Variants in RPS6KA5 observed in about 807,000 individuals in gnomAD.
RPS6KA5 encodes ribosomal protein S6 kinase A5.
Under a neutral mutation model 85.5 loss-of-function variants are expected in RPS6KA5, and 27 were observed. That is an observed-to-expected ratio of 0.32 (90% CI 0.23 to 0.44). RPS6KA5 has a LOEUF of 0.44. RPS6KA5 is among the 20% of genes least tolerant of loss of function. The pLI is 1.00. For synonymous variants in RPS6KA5, 334 were observed against 348.2 expected, an observed-to-expected ratio of 0.96 and a Z score of 0.46; for missense variants, 811 against 980.9, an observed-to-expected ratio of 0.83 and a Z score of 2.31.
intron 11 of RPS6KA5, among the ~76,000 whole-genome samples, chr14:90,899,802 T>C (rs2035057356): frequency 6.6e-6 from 1 of 152,152 alleles, no homozygotes; most frequent in Non-Finnish European, 1.5e-5. Flanking sequence ...ACACAACTAG[T>C]AGAAATGGCA....
rs969952624 is a variant in RPS6KA5, at chr14:90,864,305, A to C, written c.*7769T>G. The C allele has an allele frequency of 5.9e-5, 9 of 152,256 alleles. No individual in the cohort carries two copies. The highest frequency in any genetic ancestry group is 2.2e-4 in the African/African-American group (9 of 41,404). The allele number at this position is 152,256 out of a possible 1,614,324, so 9.4% of individuals were successfully genotyped here. On this transcript the variant is annotated 3_prime_UTR_variant, in exon 17 of 17. Coordinates refer to ENST00000614987, the MANE Select transcript of RPS6KA5 (RefSeq NM_004755.4). ...CAGGCATGCACCACCATGCCTGGCTAATTTTTATACTTTTAGTAGAGATGG... is the reference window on the plus strand; with the variant it reads ...CAGGCATGCACCACCATGCCTGGCTCATTTTTATACTTTTAGTAGAGATGG...
At chr14:90,994,810 G>GT (rs2040451368) in intron 2 of RPS6KA5, among the ~76,000 whole-genome samples, 1 of 151,848 alleles carries the variant, frequency 6.6e-6, no homozygotes, top group Non-Finnish European at 1.5e-5. Flanking sequence ...CTGACCTCAT[G>GT]ATCCGCCTGC....
chr14:91,052,419 G>A, intron 1 of RPS6KA5: 1 of 349,630 alleles, frequency 2.9e-6, no homozygotes. Flanking sequence ...AGTGAGCCGA[G>A]ATCAGCACCA....
chr14:90,933,386 G>A, intron 5 of RPS6KA5, among the ~76,000 whole-genome samples: 1 of 152,092 alleles, frequency 6.6e-6, no homozygotes, highest in East Asian at 1.9e-4. Context: ...CATATTAGTT[G>A]ATGGAAATTT....
intron 2 of RPS6KA5, among the ~76,000 whole-genome samples, chr14:90,986,641 G>C (rs1168462155): frequency 6.6e-6 from 1 of 152,162 alleles, no homozygotes; most frequent in Non-Finnish European, 1.5e-5. Context: ...ACAGGCCGGT[G>C]CATCTATTCT....
chr14:90,985,045 A>T (rs978824580), intron 2 of RPS6KA5, among the ~76,000 whole-genome samples: 2 of 152,066 alleles, frequency 1.3e-5, no homozygotes, highest in East Asian at 3.9e-4. Context: ...GGTTCAAGCA[A>T]TTCTCCTACC....
rs1356576814 is a variant in RPS6KA5, at chr14:90,865,644, T to C, written c.*6430A>G. On this transcript the variant is annotated 3_prime_UTR_variant, in exon 17 of 17. Coordinates refer to ENST00000614987, the MANE Select transcript of RPS6KA5 (RefSeq NM_004755.4). ...TATGATCACTATCTATATGTAGTTT[T>C]AGTGCTCCATTTGGACTGGTCTCTG... 1 of 152,238 alleles carries C rather than the reference T, an allele frequency of 6.6e-6. No individual in the cohort carries two copies. Among genetic ancestry groups the C allele is most frequent in the Non-Finnish European group, 1.5e-5 (1 of 68,040 alleles). The allele number at this position is 152,238 out of a possible 1,614,324, so 9.4% of individuals were successfully genotyped here. A position where few individuals can be genotyped will look rare whatever the true frequency, so the allele number is the denominator to read the frequency against.
chr14:91,029,355 G>A (rs1438223925), intron 1 of RPS6KA5, among the ~76,000 whole-genome samples: 1 of 152,034 alleles, frequency 6.6e-6, no homozygotes, highest in Non-Finnish European at 1.5e-5. Flanking sequence ...AAAATTGACT[G>A]AAAATAATGG....
intron 5 of RPS6KA5, among the ~76,000 whole-genome samples, chr14:90,925,694 T>C (rs1484652630): frequency 6.6e-6 from 1 of 151,082 alleles, no homozygotes; most frequent in African/African-American, 2.4e-5. Context: ...AATCTGTAAA[T>C]GACCAGCATG....
At chr14:90,999,231 A>C (rs1049412222) in intron 2 of RPS6KA5, among the ~76,000 whole-genome samples, 1 of 152,074 alleles carries the variant, frequency 6.6e-6, no homozygotes, top group African/African-American at 2.4e-5. Context: ...AACAAAAAAC[A>C]AAAAAACAAA....
At chr14:91,028,533 T>C (rs912863541) in intron 1 of RPS6KA5, among the ~76,000 whole-genome samples, 7 of 150,192 alleles carry the variant, frequency 4.7e-5, no homozygotes, top group South Asian at 2.1e-4. Context: ...ATTTTTTTTT[T>C]TTTGAGACAA....
At chr14:90,907,010 T>A (rs542145618) in intron 7 of RPS6KA5, among the ~76,000 whole-genome samples, 1 of 152,304 alleles carries the variant, frequency 6.6e-6, no homozygotes, top group South Asian at 2.1e-4. Flanking sequence ...AAGATGGTAA[T>A]AAAGTTTCTT....
At chr14:90,988,806 C>G (rs1263756524) in intron 2 of RPS6KA5, among the ~76,000 whole-genome samples, 4 of 151,628 alleles carry the variant, frequency 2.6e-5, no homozygotes, top group African/African-American at 9.7e-5. Context: ...GAGCAAGACT[C>G]CATCTCAAAA....
chr14:91,028,769 C>G (rs1252738858), intron 1 of RPS6KA5, among the ~76,000 whole-genome samples: 1 of 152,200 alleles, frequency 6.6e-6, no homozygotes, highest in African/African-American at 2.4e-5. Flanking sequence ...CTGCCCGCCT[C>G]TGCCTCCCAA....
chr14:90,885,186 G>A (rs1255329523), intron 14 of RPS6KA5, among the ~76,000 whole-genome samples: 1 of 151,108 alleles, frequency 6.6e-6, no homozygotes, highest in Non-Finnish European at 1.5e-5. Flanking sequence ...CTGGGAGGTC[G>A]AGGCTGCAGT....
intron 13 of RPS6KA5, 82 bp from the exon 14 acceptor site, chr14:90,890,760 T>C: frequency 2.4e-6 from 3 of 1,259,738 alleles, no homozygotes; most frequent in African/African-American, 1.5e-5. Flanking sequence ...ACACTTTGTA[T>C]ATTGATAGTT....
chr14:90,949,747 CT>C (rs35403279), intron 3 of RPS6KA5, among the ~76,000 whole-genome samples: 69,061 of 151,968 alleles, frequency 0.45, 16,783 homozygotes, highest in East Asian at 0.55. Flanking sequence ...AGCTTCAGTT[CT>C]TTATAAAGCA....
chr14:90,964,197 C>T (rs1341960288), intron 3 of RPS6KA5, among the ~76,000 whole-genome samples: 1 of 152,186 alleles, frequency 6.6e-6, no homozygotes, highest in Admixed American at 6.5e-5. Context: ...GAAGGCAACA[C>T]ATGTGGCTAA....
intron 14 of RPS6KA5, among the ~76,000 whole-genome samples, chr14:90,886,979 CA>C (rs2034268642): frequency 6.6e-6 from 1 of 152,048 alleles, no homozygotes; most frequent in Non-Finnish European, 1.5e-5. Context: ...ATGTAAAATA[CA>C]AAACTTCCAT....
Sources: gnomAD v4.1 joint callset for allele counts (sites outside exome capture counted in the v4.1 genomes callset) on GRCh38, gnomAD v4.1.1 for gene constraint, MANE v1.5 for transcripts, NCBI Gene and HGNC (gene_info 2026-07-23, HGNC 2026-07-21) for gene names.